GALNT17: variants seen among roughly 807,000 people sequenced by gnomAD.
GALNT17 encodes UDP-GalNAc:polypeptide N-acetylgalactosaminyltransferase-like 3.
In GALNT17, 29 loss-of-function variants were observed where a neutral mutation model predicts 63.7. The ratio of observed to expected loss-of-function variants is 0.46; its 90% confidence interval spans 0.34 to 0.62. The LOEUF (loss-of-function observed/expected upper bound fraction) is 0.62, where lower values mean the gene tolerates loss of function less well. Ranked by LOEUF, GALNT17 falls within the 20% of genes least tolerant of loss-of-function variation. The pLI is 0.01. For missense variants in GALNT17, 603 were observed against 799.6 expected, an observed-to-expected ratio of 0.75 and a Z score of 2.97; for synonymous variants, 305 against 318.3, an observed-to-expected ratio of 0.96 and a Z score of 0.45.
chr7:71,507,723 G>A (rs575963519), intron 5 of GALNT17, among the ~76,000 whole-genome samples: 35 of 152,194 alleles, frequency 2.3e-4, no homozygotes, highest in Non-Finnish European at 4.0e-4. Flanking sequence ...TTACCTGTCA[G>A]GTAAAAGAGT....
chr7:71,357,598 C>A (rs1337257639), intron 2 of GALNT17, among the ~76,000 whole-genome samples: 1 of 152,162 alleles, frequency 6.6e-6, no homozygotes, highest in African/African-American at 2.4e-5. Context: ...AGAAACAATG[C>A]CTTGAGTCAT....
chr7:71,369,096 G>C (rs536503151), intron 2 of GALNT17, among the ~76,000 whole-genome samples: 1 of 152,156 alleles, frequency 6.6e-6, no homozygotes, highest in African/African-American at 2.4e-5. Flanking sequence ...ACAATTATAG[G>C]TTCTTCAATA....
intron 2 of GALNT17, among the ~76,000 whole-genome samples, chr7:71,375,659 A>G (rs1792708541): frequency 6.6e-6 from 1 of 152,150 alleles, no homozygotes; most frequent in Non-Finnish European, 1.5e-5. Context: ...GGGTCAAGTG[A>G]TCCTCCTCCC....
In GALNT17 at chr7:71,713,160, T is replaced by C. The variant is rs954587270; in HGVS notation, c.*1014T>C. ...GCACATATAAATCAGAGTTAATATA[T>C]GAACGCGTGTGCATGCACAAGTGTG... On this transcript the variant is annotated 3_prime_UTR_variant, in exon 11 of 11. Transcript: ENST00000333538. 2 of 152,724 alleles carry C rather than the reference T, an allele frequency of 1.3e-5. No individual in the cohort carries two copies. The highest frequency in any genetic ancestry group is 1.5e-5 in the Non-Finnish European group (1 of 68,096). The allele number at this position is 152,724 out of a possible 1,614,324, so 9.5% of individuals were successfully genotyped here.
chr7:71,529,769 GA>G (rs1788684089), intron 5 of GALNT17, among the ~76,000 whole-genome samples: 1 of 152,328 alleles, frequency 6.6e-6, no homozygotes, highest in East Asian at 1.9e-4. Context: ...AGAGAAGGTT[GA>G]GTATGTACTG....
intron 8 of GALNT17, among the ~76,000 whole-genome samples, chr7:71,672,999 T>TG (rs1791093496): frequency 3.0e-5 from 1 of 33,476 alleles, no homozygotes; most frequent in African/African-American, 7.2e-5. Context: ...CACAGAGGTG[T>TG]TTTTTTTTCC....
intron 9 of GALNT17, among the ~76,000 whole-genome samples, chr7:71,698,307 C>G (rs187728887): frequency 3.5e-4 from 54 of 152,130 alleles, no homozygotes; most frequent in African/African-American, 1.3e-3. Context: ...AAAATGACTG[C>G]AGAAGGATGT....
chr7:71,611,932 A>C (rs1790131252), intron 6 of GALNT17, among the ~76,000 whole-genome samples: 1 of 152,098 alleles, frequency 6.6e-6, no homozygotes, highest in Non-Finnish European at 1.5e-5. Context: ...ATCTCCAATG[A>C]GAAGCACAGG....
chr7:71,457,742 G>A (rs1255072880), intron 5 of GALNT17, among the ~76,000 whole-genome samples: 1 of 152,140 alleles, frequency 6.6e-6, no homozygotes, highest in East Asian at 1.9e-4. Context: ...TTTAACCAGT[G>A]TCTTTACCAC....
intron 9 of GALNT17, among the ~76,000 whole-genome samples, chr7:71,705,468 G>C (rs1213137180): frequency 6.6e-6 from 1 of 152,154 alleles, no homozygotes; most frequent in Non-Finnish European, 1.5e-5. Context: ...TCCGTAGAAA[G>C]TTAAACATAG....
At chr7:71,268,340 G>C (rs1446472572) in intron 1 of GALNT17, among the ~76,000 whole-genome samples, 1 of 150,842 alleles carries the variant, frequency 6.6e-6, no homozygotes, top group African/African-American at 2.4e-5. Flanking sequence ...TCAGGAGCTT[G>C]AGAACAGCCT....
intron 2 of GALNT17, among the ~76,000 whole-genome samples, chr7:71,387,959 A>G (rs190670723): frequency 4.5e-4 from 69 of 152,182 alleles, no homozygotes; most frequent in Non-Finnish European, 7.8e-4. Context: ...GCTCCATATT[A>G]TATTATAGTA....
chr7:71,222,836 C>G (rs1312579260), intron 1 of GALNT17, among the ~76,000 whole-genome samples: 1 of 152,034 alleles, frequency 6.6e-6, no homozygotes, highest in East Asian at 1.9e-4. Flanking sequence ...TTTGGGAGAC[C>G]AAGTTGGGAG....
At chr7:71,267,178 T>C (rs367915250) in intron 1 of GALNT17, among the ~76,000 whole-genome samples, 63 of 152,328 alleles carry the variant, frequency 4.1e-4, no homozygotes, top group Middle Eastern at 6.8e-3. Flanking sequence ...TGCAGCACCA[T>C]GCAAGGTGCC....
At chr7:71,168,042 A>G (rs1026080229) in intron 1 of GALNT17, among the ~76,000 whole-genome samples, 2 of 152,212 alleles carry the variant, frequency 1.3e-5, no homozygotes, top group African/African-American at 4.8e-5. Context: ...GATGCAAGCT[A>G]TGGCTCGAAA....
At chr7:71,498,143 AC>A (rs1456577086) in intron 5 of GALNT17, among the ~76,000 whole-genome samples, 3 of 152,086 alleles carry the variant, frequency 2.0e-5, no homozygotes, top group African/African-American at 7.2e-5. Context: ...TGTATTTGCT[AC>A]ATTTGCTACA....
chr7:71,453,394 C>T (rs1787300589), intron 5 of GALNT17, among the ~76,000 whole-genome samples: 3 of 152,208 alleles, frequency 2.0e-5, no homozygotes, highest in South Asian at 2.1e-4. Flanking sequence ...GCTGGAGAGG[C>T]CTCACAATCA....
intron 1 of GALNT17, among the ~76,000 whole-genome samples, chr7:71,146,193 T>A (rs984767499): frequency 6.6e-5 from 10 of 152,018 alleles, no homozygotes; most frequent in African/African-American, 2.4e-4. Flanking sequence ...TGACTGCTGA[T>A]CTCAAATGAC....
intron 1 of GALNT17, among the ~76,000 whole-genome samples, chr7:71,165,374 A>G (rs1585851293): frequency 6.6e-6 from 1 of 152,214 alleles, no homozygotes; most frequent in Non-Finnish European, 1.5e-5. Context: ...TTTACAAAAG[A>G]AAGAAGTTTA....
Sources: gnomAD v4.1 joint callset for allele counts (sites outside exome capture counted in the v4.1 genomes callset) on GRCh38, gnomAD v4.1.1 for gene constraint, MANE v1.5 for transcripts, NCBI Gene and HGNC (gene_info 2026-07-23, HGNC 2026-07-21) for gene names.